TCF7L2: variants seen among roughly 807,000 people sequenced by gnomAD.
The protein encoded by TCF7L2 is transcription factor 7-like 2.
A neutral mutation model predicts 77.9 loss-of-function variants in TCF7L2; 23 were observed. The ratio of observed to expected loss-of-function variants is 0.30; its 90% CI spans 0.21 to 0.42. TCF7L2 has a LOEUF of 0.42. TCF7L2 is among the 10% of genes least tolerant of loss of function. The pLI is 1.00. For synonymous variants in TCF7L2, 413 were observed against 340.2 expected (o/e 1.21, Z -2.36); for missense variants, 654 against 793.1 (o/e 0.82, Z 2.11).
chr10:113,080,835 T>C (rs893459937), intron 5 of TCF7L2, among the ~76,000 whole-genome samples: 1 of 152,214 alleles, frequency 6.6e-6, no homozygotes, highest in African/African-American at 2.4e-5. Context: ...TTTGATGTTG[T>C]CAGGAAACAT....
intron 4 of TCF7L2, among the ~76,000 whole-genome samples, chr10:113,031,530 C>T (rs1461031298): frequency 6.7e-6 from 1 of 150,054 alleles, no homozygotes; most frequent in Non-Finnish European, 1.5e-5. Flanking sequence ...CTCTGTTGCC[C>T]AAGCTGGAGT....
chr10:113,156,261 T>C (rs144651848), intron 11 of TCF7L2, among the ~76,000 whole-genome samples: 1,932 of 152,226 alleles, frequency 0.013, 48 homozygotes, highest in African/African-American at 0.045. Flanking sequence ...ACTACAGATA[T>C]GTGCCACCAC....
At chr10:113,154,048 G>A (rs1039655437) in intron 11 of TCF7L2, among the ~76,000 whole-genome samples, 4 of 152,348 alleles carry the variant, frequency 2.6e-5, no homozygotes, top group East Asian at 3.9e-4. Context: ...GGGATGGCGC[G>A]TGTGCTCTGC....
chr10:113,021,416 G>C (rs1034894691), intron 4 of TCF7L2, among the ~76,000 whole-genome samples: 7 of 152,114 alleles, frequency 4.6e-5, no homozygotes, highest in Admixed American at 3.9e-4. Context: ...GCAACAAAAA[G>C]CACTTCCTGA....
At chr10:113,045,751 C>G (rs932077784) in intron 5 of TCF7L2, among the ~76,000 whole-genome samples, 2 of 152,180 alleles carry the variant, frequency 1.3e-5, no homozygotes, top group Admixed American at 6.5e-5. Flanking sequence ...TCCACTTTCT[C>G]TACTGCATAT....
At chr10:113,137,902 C>A (rs1451475541) in intron 5 of TCF7L2, among the ~76,000 whole-genome samples, 1 of 152,138 alleles carries the variant, frequency 6.6e-6, no homozygotes, top group East Asian at 1.9e-4. Context: ...GCACACACAC[C>A]CCCAGCAATG....
chr10:113,043,830 A>G (rs1006388533), intron 5 of TCF7L2, among the ~76,000 whole-genome samples: 2 of 152,074 alleles, frequency 1.3e-5, no homozygotes, highest in African/African-American at 2.4e-5. Flanking sequence ...GCTGAGTGGT[A>G]GAGTTTGAGT....
At chr10:113,089,636 ACTGCGATCCC>A in intron 5 of TCF7L2, 1 of 1,448,810 alleles carries the variant, frequency 6.9e-7, no homozygotes, top group Non-Finnish European at 9.3e-7. Flanking sequence ...GGGCCCATCC[ACTGCGATCCC>A]TGAATTCTTG....
At chr10:112,998,333 A>C (rs2043873916) in intron 4 of TCF7L2, among the ~76,000 whole-genome samples, 1 of 152,218 alleles carries the variant, frequency 6.6e-6, no homozygotes, top group Non-Finnish European at 1.5e-5. Context: ...AATCGGACTA[A>C]AACCTTTCCA....
intron 4 of TCF7L2, among the ~76,000 whole-genome samples, chr10:112,988,435 T>C (rs569688186): frequency 1.3e-5 from 2 of 152,320 alleles, no homozygotes; most frequent in South Asian, 2.1e-4. Flanking sequence ...ATGTACCACT[T>C]CCCTTGGCTC....
At chr10:113,062,653 A>G (rs569888134) in intron 5 of TCF7L2, among the ~76,000 whole-genome samples, 1 of 152,162 alleles carries the variant, frequency 6.6e-6, no homozygotes, top group African/African-American at 2.4e-5. Flanking sequence ...TAGTCTTTCT[A>G]GGCCAGATTA....
chr10:113,098,345 G>T (rs1338127837), intron 5 of TCF7L2, among the ~76,000 whole-genome samples: 3 of 152,078 alleles, frequency 2.0e-5, no homozygotes, highest in Non-Finnish European at 2.9e-5. Context: ...ACACTCAATG[G>T]CATGCAATTC....
chr10:112,983,381 G>T lies in TCF7L2; in HGVS notation c.450+18757G>T, dbSNP rs2040862039. The stretch of plus-strand genomic sequence containing the variant: ...AGCTACTCCGGAGGCTGAGGCAGGG[G>T]AATGGTGTAAGTAAACCTGGGAGGT... On this transcript the variant is annotated intron_variant, in intron 4 of 13. Transcript: ENST00000627217. Among the ~76,000 whole-genome samples the T allele has an allele frequency of 2.6e-5, 4 of 152,070 alleles. 1 individual carries two copies. Among genetic ancestry groups the T allele is most frequent in the Admixed American group, 2.6e-4 (4 of 15,266 alleles).
chr10:112,952,594 G>C (rs2032093912), intron 3 of TCF7L2, among the ~76,000 whole-genome samples: 1 of 152,194 alleles, frequency 6.6e-6, no homozygotes, highest in East Asian at 1.9e-4. Flanking sequence ...CTTCCGTGTA[G>C]GCCCGTCGTG....
chr10:113,097,962 A>C (rs2061225559), intron 5 of TCF7L2, among the ~76,000 whole-genome samples: 1 of 150,408 alleles, frequency 6.6e-6, no homozygotes, highest in Non-Finnish European at 1.5e-5. Context: ...AGGCAGGAGA[A>C]TCGCTTGAAC....
chr10:112,971,325 T>C (rs1234671042), intron 4 of TCF7L2, among the ~76,000 whole-genome samples: 1 of 152,206 alleles, frequency 6.6e-6, no homozygotes, highest in East Asian at 1.9e-4. Context: ...GACAGAGCCT[T>C]ACTCTGTTGT....
rs1589556610 is a variant in TCF7L2, at chr10:112,950,774, C to G, written c.18C>G (p.Gly6=). The G allele has an allele frequency of 6.3e-7, 1 of 1,576,992 alleles. No individual in the cohort carries two copies. Among genetic ancestry groups the G allele is most frequent in the Non-Finnish European group, 8.6e-7 (1 of 1,159,766 alleles). ...AAAAAAAAATGCCGCAGCTGAACGG[C>G]GGTGGAGGGGATGACCTAGGCGCCA... The change falls in exon 1 of 14, where the codon GGC becomes GGG. Residue 6 remains glycine (G), a synonymous_variant. Coordinates refer to ENST00000627217, the MANE Select transcript of TCF7L2 (RefSeq NM_001146274.2).
At chr10:113,067,730 G>C (rs564854565) in intron 5 of TCF7L2, among the ~76,000 whole-genome samples, 1 of 152,124 alleles carries the variant, frequency 6.6e-6, no homozygotes, top group African/African-American at 2.4e-5. Flanking sequence ...ATGTGACCTT[G>C]AGCAAGTCTT....
intron 4 of TCF7L2, among the ~76,000 whole-genome samples, chr10:113,006,872 G>T (rs193122621): frequency 6.6e-6 from 1 of 152,318 alleles, no homozygotes; most frequent in Non-Finnish European, 1.5e-5. Context: ...CTCCGGCCAC[G>T]CTGGCACTTT....
Sources: allele counts gnomAD v4.1 joint callset (sites outside exome capture counted in the v4.1 genomes callset), GRCh38; gene constraint gnomAD v4.1.1; transcripts MANE v1.5; gene names NCBI Gene and HGNC (gene_info 2026-07-23, HGNC 2026-07-21).